Variants in CDS1 observed in about 807,000 individuals in gnomAD.
The protein encoded by CDS1 is phosphatidate cytidylyltransferase 1.
In CDS1, 41 loss-of-function variants were observed where a neutral mutation model predicts 62.1. That is an observed-to-expected ratio of 0.66 (90% confidence interval 0.51 to 0.86). The LOEUF is 0.86. Among genes scored for constraint, CDS1 ranks in the 40% least tolerant of loss-of-function variants. The probability of loss-of-function intolerance (pLI) is 0.00; values close to 1 mark genes in which losing one functional copy is unlikely to be tolerated. For missense variants in CDS1, 470 were observed against 550.1 expected (o/e 0.85, Z 1.46); for synonymous variants, 185 against 192.6 (o/e 0.96, Z 0.32).
intron 2 of CDS1, among the ~76,000 whole-genome samples, chr4:84,606,920 G>T (rs986434085): frequency 6.6e-6 from 1 of 152,072 alleles, no homozygotes; most frequent in African/African-American, 2.4e-5. Flanking sequence ...CTAGATTTGC[G>T]ACCTAGCCCA....
Position 84,641,304 on chromosome 4 carries a change from G to A in CDS1, c.1032+314G>A, listed in dbSNP as rs567467592. On this transcript the variant is annotated intron_variant, in intron 10 of 12. Transcript: ENST00000295887. ...TGGTCTCAAACTCCTGGTCTCAAGT[G>A]ATCCGCCTGCTTCGGCTTCCCAAGG... Among the ~76,000 whole-genome samples, 16 of 152,276 alleles carry A rather than the reference G, an allele frequency of 1.1e-4. No individual in the cohort carries two copies. In the South Asian group the frequency reaches 3.1e-3, roughly 30 times the overall value.
intron 2 of CDS1, among the ~76,000 whole-genome samples, chr4:84,605,664 G>A (rs1404542577): frequency 6.6e-6 from 1 of 152,012 alleles, no homozygotes; most frequent in African/African-American, 2.4e-5. Flanking sequence ...TTGTGTAGTC[G>A]ATGTTCTGTA....
chr4:84,602,707 A>T (rs571942245), intron 1 of CDS1, among the ~76,000 whole-genome samples: 1 of 152,276 alleles, frequency 6.6e-6, no homozygotes, highest in South Asian at 2.1e-4. Context: ...AGAAAAAAAA[A>T]ACTGATGTGT....
intron 1 of CDS1, 24 bp from the exon 2 acceptor site, chr4:84,604,219 A>C: frequency 6.3e-7 from 1 of 1,599,046 alleles, no homozygotes; most frequent in Non-Finnish European, 8.5e-7. Context: ...GATTTTGCAA[A>C]GTAATTTGTC....
chr4:84,591,303 T>C (rs982304038), intron 1 of CDS1, among the ~76,000 whole-genome samples: 6 of 152,218 alleles, frequency 3.9e-5, no homozygotes, highest in African/African-American at 1.4e-4. Flanking sequence ...TTTCCAAAAA[T>C]ACAGATTTTA....
intron 1 of CDS1, among the ~76,000 whole-genome samples, chr4:84,586,531 A>C (rs1357337721): frequency 6.6e-6 from 1 of 152,152 alleles, no homozygotes; most frequent in African/African-American, 2.4e-5. Context: ...TTGATCTGAC[A>C]GGAGGCAGCG....
chr4:84,611,466 T>G (rs1560471564), intron 3 of CDS1, among the ~76,000 whole-genome samples: 1 of 152,164 alleles, frequency 6.6e-6, no homozygotes, highest in Non-Finnish European at 1.5e-5. Flanking sequence ...TATTCATAGC[T>G]CATAAGCTTA....
At chr4:84,585,236 C>T (rs1455705730) in intron 1 of CDS1, among the ~76,000 whole-genome samples, 1 of 152,116 alleles carries the variant, frequency 6.6e-6, no homozygotes, top group South Asian at 2.1e-4. Context: ...CAATGCAGTA[C>T]TGTTGGTTTT....
intron 1 of CDS1, among the ~76,000 whole-genome samples, chr4:84,603,130 GA>G (rs1722987368): frequency 6.6e-6 from 1 of 152,152 alleles, no homozygotes; most frequent in Non-Finnish European, 1.5e-5. Context: ...TCATTTTAGG[GA>G]TGAAGAAACA....
At chr4:84,646,342 T>C (rs891284027) in intron 12 of CDS1, among the ~76,000 whole-genome samples, 1 of 152,220 alleles carries the variant, frequency 6.6e-6, no homozygotes, top group African/African-American at 2.4e-5. Flanking sequence ...TCCTCTCATC[T>C]TTCATTTCTC....
At chr4:84,614,761 G>A (rs948874798) in intron 3 of CDS1, among the ~76,000 whole-genome samples, 69 of 152,328 alleles carry the variant, frequency 4.5e-4, no homozygotes, top group African/African-American at 1.7e-3. Context: ...GCACTTCAGA[G>A]CATATACCCA....
chr4:84,631,256 C>T (rs1395398879), intron 5 of CDS1, among the ~76,000 whole-genome samples: 5 of 151,966 alleles, frequency 3.3e-5, no homozygotes, highest in Admixed American at 3.3e-4. Flanking sequence ...TATTAAAGCC[C>T]TTTGTGCATT....
chr4:84,583,593 G>T (rs1049175925), intron 1 of CDS1, 75 bp downstream of exon 1: 2 of 831,544 alleles, frequency 2.4e-6, no homozygotes, highest in Admixed American at 3.2e-5. Context: ...TGAGAGCAAG[G>T]GTGGGGCCCG....
intron 7 of CDS1, 23 bp downstream of exon 7, chr4:84,633,962 CT>C: frequency 7.1e-7 from 1 of 1,412,464 alleles, no homozygotes; most frequent in Non-Finnish European, 9.9e-7. Context: ...AATTATGCTG[CT>C]TTATAAGTAT....
rs1221091664 is a variant in CDS1, at chr4:84,628,681, TG to T, written c.581-3137del. Among the ~76,000 whole-genome samples the T allele has an allele frequency of 2.0e-5, 3 of 152,252 alleles. 1 individual carries two copies. Among genetic ancestry groups the T allele is most frequent in the Admixed American group, 2.0e-4 (3 of 15,292 alleles). On this transcript the variant is annotated intron_variant, in intron 5 of 12. Transcript: ENST00000295887. ...TCAAGTAGCTGGGACTGCAGGTGTG[TG>T]CTGTCCTGCTCAGCTAATTTTTACT...
At chr4:84,635,529 A>G (rs1003565028) in intron 8 of CDS1, among the ~76,000 whole-genome samples, 178 bp downstream of exon 8, 1 of 150,774 alleles carries the variant, frequency 6.6e-6, no homozygotes, top group African/African-American at 2.4e-5. Context: ...TGGGTTCTTC[A>G]TCAGCTCTTC....
At chr4:84,611,399 C>T (rs1430198506) in intron 3 of CDS1, among the ~76,000 whole-genome samples, 1 of 151,938 alleles carries the variant, frequency 6.6e-6, no homozygotes, top group Non-Finnish European at 1.5e-5. Flanking sequence ...TCTGATTTCT[C>T]TTGCCCACTT....
intron 1 of CDS1, among the ~76,000 whole-genome samples, chr4:84,585,628 A>G (rs958112374): frequency 2.6e-5 from 4 of 152,164 alleles, no homozygotes; most frequent in Non-Finnish European, 4.4e-5. Flanking sequence ...GAGGTACATT[A>G]TATTCTGCTA....
In CDS1 at chr4:84,619,479, C is replaced by T; in HGVS notation, c.526C>T (p.Leu176Phe). Residue 176 changes from leucine (L) to phenylalanine (F), a missense_variant, in exon 5 of 13, where the codon CTT (leucine) becomes TTT (phenylalanine). Physicochemically the swap from Leu to Phe is conservative, Grantham distance 22 (BLOSUM62 0). Transcript: ENST00000295887. ...TACATTTGTTCAAAGAGAAGAACAA[C>T]TTCAGTTCCTCATTCGCTACCATAG... ...FATFVQREEQ[L>F]QFLIRYHRFI... 6.2e-7 allele frequency: 1 copy of T among 1,603,956 alleles called. No homozygotes were observed. Among genetic ancestry groups the T allele is most frequent in the Non-Finnish European group, 8.5e-7 (1 of 1,172,946 alleles).
Sources: allele counts gnomAD v4.1 joint callset (sites outside exome capture counted in the v4.1 genomes callset), GRCh38; gene constraint gnomAD v4.1.1; transcripts MANE v1.5; gene names NCBI Gene and HGNC (gene_info 2026-07-23, HGNC 2026-07-21).